FOXN3: variants seen among roughly 807,000 people sequenced by gnomAD.
FOXN3 encodes the protein forkhead box N3, also known as forkhead box protein N3.
FOXN3 carries 7 observed loss-of-function variants against 38.4 expected under a neutral mutation model. The observed-to-expected ratio is 0.18, with a 90% CI of 0.10 to 0.34. FOXN3 has a LOEUF of 0.34. FOXN3 is among the 10% of genes least tolerant of loss of function. FOXN3 has a pLI of 1.00. For missense variants in FOXN3, 456 were observed against 613.4 expected, an observed-to-expected ratio of 0.74 and a Z score of 2.71; for synonymous variants, 230 against 242.2, an observed-to-expected ratio of 0.95 and a Z score of 0.47.
At chr14:89,360,308 G>A (rs180864469) in intron 2 of FOXN3, among the ~76,000 whole-genome samples, 4 of 146,260 alleles carry the variant, frequency 2.7e-5, no homozygotes, top group East Asian at 2.2e-4. Flanking sequence ...GATGGAGAGA[G>A]AGAGGGGAAG....
intron 3 of FOXN3, among the ~76,000 whole-genome samples, chr14:89,332,729 G>T (rs1333717837): frequency 6.6e-6 from 1 of 152,102 alleles, no homozygotes; most frequent in Non-Finnish European, 1.5e-5. Flanking sequence ...AAAGTTTTTT[G>T]TACAGCAAAG....
At chr14:89,224,437 T>A (rs118091458) in intron 4 of FOXN3, among the ~76,000 whole-genome samples, 2,107 of 152,338 alleles carry the variant, frequency 0.014, 16 homozygotes, top group Admixed American at 0.022. Context: ...ATAACTTTCA[T>A]AAAAATTAAT....
chr14:89,290,694 G>A (rs926569160), intron 3 of FOXN3: 1 of 413,192 alleles, frequency 2.4e-6, no homozygotes, highest in Non-Finnish European at 4.7e-6. Flanking sequence ...TGTGGGACTT[G>A]GAATGTAGCT....
At position 89,158,875 on chromosome 14, in the gene FOXN3, T is replaced by G; in HGVS notation, c.*3539A>C. 8.8e-6 allele frequency: 1 copy of G among 114,024 alleles called. No individual in the cohort carries two copies. 7.1% of individuals were successfully genotyped at this position (114,024 alleles called of 1,614,324 possible). The stretch of plus-strand genomic sequence containing the variant: ...TAGTTCCCCGTTTCCCCCTCCCCCC[T>G]GCCCCGTGTGAGTATGTGAGATACT... On this transcript the variant is annotated 3_prime_UTR_variant, in exon 6 of 6. Transcript: ENST00000557258.
chr14:89,324,885 T>A (rs919132173), intron 3 of FOXN3, among the ~76,000 whole-genome samples: 1 of 152,124 alleles, frequency 6.6e-6, no homozygotes, highest in Admixed American at 6.5e-5. Context: ...ATCCAGCAGG[T>A]CTGGGGTGAC....
intron 1 of FOXN3, among the ~76,000 whole-genome samples, chr14:89,415,847 TACACACACACACACACAC>T (rs5810462): frequency 1.4e-5 from 2 of 140,416 alleles, no homozygotes; most frequent in Non-Finnish European, 3.1e-5. Context: ...AACTTTTCTC[TACACACACACACACACAC>T]ACACACACAC....
intron 4 of FOXN3, among the ~76,000 whole-genome samples, chr14:89,198,850 C>T (rs1420798706): frequency 1.3e-5 from 2 of 152,236 alleles, no homozygotes; most frequent in African/African-American, 4.8e-5. Context: ...GCTCTTCAAA[C>T]CAAACTATCT....
chr14:89,215,347 A>ATTT (rs10640376), intron 4 of FOXN3, among the ~76,000 whole-genome samples: 1,527 of 148,900 alleles, frequency 0.01, 16 homozygotes, highest in Middle Eastern at 0.024. Flanking sequence ...GAGAATAGAG[A>ATTT]TTTTTTTTTT....
intron 3 of FOXN3, among the ~76,000 whole-genome samples, chr14:89,296,662 G>GTT (rs2139940884): frequency 6.6e-6 from 1 of 152,262 alleles, no homozygotes; most frequent in East Asian, 1.9e-4. Context: ...TCTCAACCGA[G>GTT]TCTCGCTCTG....
intron 1 of FOXN3, among the ~76,000 whole-genome samples, chr14:89,442,367 C>T (rs1011069201): frequency 6.6e-6 from 1 of 152,144 alleles, no homozygotes; most frequent in African/African-American, 2.4e-5. Flanking sequence ...TTTGCTACAC[C>T]TGTGTCTGAA....
intron 4 of FOXN3, among the ~76,000 whole-genome samples, chr14:89,270,180 C>A (rs1261656241): frequency 2.6e-5 from 4 of 152,228 alleles, no homozygotes; most frequent in African/African-American, 7.2e-5. Context: ...CCAGTCAGGA[C>A]TCCTATTCCA....
chr14:89,524,039 G>A (rs111554055), intron 1 of FOXN3, among the ~76,000 whole-genome samples: 2 of 150,368 alleles, frequency 1.3e-5, no homozygotes, highest in African/African-American at 4.9e-5. Flanking sequence ...GAGATTACAG[G>A]CGTGAGCCAC....
intron 1 of FOXN3, among the ~76,000 whole-genome samples, chr14:89,496,093 A>G (rs1472615701): frequency 4.6e-5 from 7 of 152,092 alleles, no homozygotes; most frequent in Non-Finnish European, 1.0e-4. Context: ...GGCACCTGTA[A>G]TCCCAGCTAC....
chr14:89,594,223 C>T (rs886575302), intron 1 of FOXN3, among the ~76,000 whole-genome samples: 4 of 152,316 alleles, frequency 2.6e-5, no homozygotes, highest in Non-Finnish European at 5.9e-5. Flanking sequence ...TGTGCCTGTA[C>T]ATCAGGATAG....
rs151225466 is a variant in FOXN3, at chr14:89,247,136, A to G, written c.745+33814T>C. Among the ~76,000 whole-genome samples the G allele has an allele frequency of 5.1e-3, 781 of 152,266 alleles. 9 individuals are homozygous for G. The highest frequency in any genetic ancestry group is 0.018 in the African/African-American group (743 of 41,538). The stretch of plus-strand genomic sequence containing the variant: ...TGAACACCCGTCCGTCCATTCATCC[A>G]TCCATCCCTCCATCTCATAATTTTT... On this transcript the variant is annotated intron_variant, in intron 4 of 5. Coordinates refer to ENST00000557258, the MANE Select transcript of FOXN3 (RefSeq NM_005197.4).
intron 2 of FOXN3, among the ~76,000 whole-genome samples, chr14:89,353,221 G>A (rs909092082): frequency 6.6e-6 from 1 of 152,192 alleles, no homozygotes; most frequent in African/African-American, 2.4e-5. Flanking sequence ...CTTAGAGATA[G>A]CTGGGAGGCT....
chr14:89,426,744 G>T (rs1416520410), intron 1 of FOXN3, among the ~76,000 whole-genome samples: 1 of 152,116 alleles, frequency 6.6e-6, no homozygotes, highest in African/African-American at 2.4e-5. Context: ...TATCAACTGA[G>T]ATTCTGAGGC....
intron 3 of FOXN3, among the ~76,000 whole-genome samples, chr14:89,295,764 T>TA (rs1385204890): frequency 2.8e-5 from 4 of 140,856 alleles, no homozygotes; most frequent in Admixed American, 7.0e-5. Context: ...ATTTTTGCAT[T>TA]TTTTTTTTTT....
intron 3 of FOXN3, among the ~76,000 whole-genome samples, chr14:89,347,118 T>C (rs1334793634): frequency 6.6e-6 from 1 of 151,862 alleles, no homozygotes; most frequent in African/African-American, 2.4e-5. Context: ...GATTTATGCC[T>C]CCCCAAAATT....
Sources: allele counts gnomAD v4.1 joint callset (sites outside exome capture counted in the v4.1 genomes callset), GRCh38; gene constraint gnomAD v4.1.1; transcripts MANE v1.5; gene names NCBI Gene and HGNC (gene_info 2026-07-23, HGNC 2026-07-21).